KCNQ4: variants seen among roughly 807,000 people sequenced by gnomAD.
KCNQ4 encodes the protein potassium voltage-gated channel subfamily KQT member 4.
KCNQ4 carries 31 observed loss-of-function variants against 72.6 expected under a neutral mutation model. The observed-to-expected ratio is 0.43, with a 90% CI of 0.32 to 0.58. KCNQ4 has a LOEUF of 0.58. KCNQ4 is among the 20% of genes least tolerant of loss of function. KCNQ4 has a pLI of 0.08. For missense variants in KCNQ4, 869 were observed against 962.6 expected (o/e 0.90, Z 1.29); for synonymous variants, 405 against 403.7 (o/e 1.00, Z -0.04).
intron 1 of KCNQ4, among the ~76,000 whole-genome samples, chr1:40,798,827 G>A (rs959534140): frequency 6.6e-6 from 1 of 152,242 alleles, no homozygotes; most frequent in Non-Finnish European, 1.5e-5. Flanking sequence ...GCTGCTGCCC[G>A]TGGGGGAAGG....
intron 1 of KCNQ4, among the ~76,000 whole-genome samples, chr1:40,812,886 T>C (rs1321190970): frequency 2.0e-5 from 3 of 152,308 alleles, no homozygotes; most frequent in African/African-American, 7.2e-5. Context: ...TCAATAGTGC[T>C]GTGAAATCAA....
At chr1:40,820,968 C>T (rs757516471) in intron 7 of KCNQ4, among the ~76,000 whole-genome samples, 2 of 152,178 alleles carry the variant, frequency 1.3e-5, no homozygotes, top group Non-Finnish European at 2.9e-5. Flanking sequence ...TGGCCCAGTC[C>T]ACCTCTGCCT....
chr1:40,819,197 AG>A (rs1648201642), intron 4 of KCNQ4, 149 bp from the exon 5 acceptor site: 4 of 891,218 alleles, frequency 4.5e-6, no homozygotes, highest in Non-Finnish European at 7.0e-6. Flanking sequence ...AGGCCGGGGC[AG>A]GGTCGCCGTG....
rs4500305 is a variant in KCNQ4, at chr1:40,784,354, C to T, written c.261C>T (p.Val87=). 6.2e-7 allele frequency: 1 copy of T among 1,610,268 alleles called. No individual in the cohort carries two copies. Among genetic ancestry groups the T allele is most frequent in the South Asian group, 1.1e-5 (1 of 91,072 alleles). The change falls in exon 1 of 14, where the codon GTC becomes GTT. Residue 87 remains valine, a synonymous_variant. Transcript: ENST00000347132. The surrounding 1 kb of genome is among the most constrained non-coding windows in gnomAD (Gnocchi z 4.1). The part of the protein sequence containing the change: ...HKRYRRLQNW[V]YNVLERPRGW... ...GCTACCGCCGCCTGCAGAACTGGGT[C>T]TACAACGTGCTGGAGCGGCCCCGCG...
At chr1:40,833,172 A>G in intron 11 of KCNQ4, 59 bp downstream of exon 11, 2 of 1,286,346 alleles carry the variant, frequency 1.6e-6, no homozygotes. Flanking sequence ...GCTGCTCCCC[A>G]TCTGGGCGGG....
At chr1:40,827,829 C>A (rs1481936801) in intron 9 of KCNQ4, among the ~76,000 whole-genome samples, 2 of 152,190 alleles carry the variant, frequency 1.3e-5, no homozygotes, top group Non-Finnish European at 2.9e-5. Flanking sequence ...GGGTCTGCTT[C>A]CACTAAAACT....
chr1:40,818,375 G>A (rs1393016621), intron 3 of KCNQ4, 85 bp downstream of exon 3: 1 of 1,595,284 alleles, frequency 6.3e-7, no homozygotes, highest in Non-Finnish European at 8.5e-7. Context: ...CTCTGACCCT[G>A]GAGACCCGCA....
intron 1 of KCNQ4, among the ~76,000 whole-genome samples, chr1:40,808,257 C>T (rs898140956): frequency 5.3e-5 from 8 of 152,098 alleles, no homozygotes; most frequent in African/African-American, 1.9e-4. Flanking sequence ...TTACCTTGGC[C>T]TTGGTGGATA....
At chr1:40,815,008 G>A (rs931611715) in intron 1 of KCNQ4, among the ~76,000 whole-genome samples, 17 of 152,064 alleles carry the variant, frequency 1.1e-4, no homozygotes, top group African/African-American at 1.7e-4. Context: ...TTGGGAGGCC[G>A]AGGCAGGTGG....
Position 40,784,433 on chromosome 1 carries a change from C to T in KCNQ4, c.314+26C>T, listed in dbSNP as rs747624059. 3.1e-6 allele frequency: 5 copies of T among 1,600,072 alleles called. No homozygotes were observed. The highest frequency in any genetic ancestry group is 4.3e-6 in the Non-Finnish European group (5 of 1,175,662). On this transcript the variant is annotated intron_variant, in intron 1 of 13. Transcript: ENST00000347132. This position sits in a 1 kb window ranked among gnomAD's most constrained non-coding sequence, Gnocchi z 4.1. ...GTGAGTTTGCGACCCCGCGCCCTTC[C>T]GCGTTTCCCCGCGCAAGCCTGGCCT...
chr1:40,809,457 G>A (rs890534158), intron 1 of KCNQ4, among the ~76,000 whole-genome samples: 1 of 152,102 alleles, frequency 6.6e-6, no homozygotes, highest in South Asian at 2.1e-4. Context: ...CTCCAGTGGG[G>A]TCTCCCCCGT....
At chr1:40,819,302 G>A (rs773120597) in intron 4 of KCNQ4, 45 bp from the exon 5 acceptor site, 1 of 1,612,352 alleles carries the variant, frequency 6.2e-7, no homozygotes. Flanking sequence ...ACATCTCCCA[G>A]GCAGGCACAG....
Position 40,831,234 on chromosome 1 carries a change from G to A in KCNQ4, c.1443G>A (p.Lys481=). ...CCACCAGCCCCACCAAGGTGCAAAA[G>A]AGCTGGAGCTTCAATGACCGCACCC... The part of the protein sequence containing the change: ...GEATSPTKVQ[K]SWSFNDRTRF... The change falls in exon 10 of 14, where the codon AAG becomes AAA. Residue 481 remains lysine (K), a synonymous_variant. Transcript: ENST00000347132. 6.2e-7 allele frequency: 1 copy of A among 1,609,832 alleles called. No homozygotes were observed. Among genetic ancestry groups the A allele is most frequent in the East Asian group, 2.2e-5 (1 of 44,754 alleles).
chr1:40,815,614 G>T (rs914366781), intron 1 of KCNQ4, among the ~76,000 whole-genome samples: 1 of 152,164 alleles, frequency 6.6e-6, no homozygotes, highest in African/African-American at 2.4e-5. Flanking sequence ...ACTGGCCGAG[G>T]AATAAGCTCT....
In KCNQ4 at chr1:40,784,163, G is replaced by C. The variant is rs770609353; in HGVS notation, c.70G>C (p.Val24Leu). ...PPGDAPRAEL[V>L]ALTAVQSEQG... is the part of the protein sequence containing the mutation. ...CGGGGACGCCCCCCGCGCGGAGCTA[G>C]TGGCGCTCACGGCCGTGCAGAGCGA... The change falls in exon 1 of 14, where the codon GTG becomes CTG. Residue 24 changes from valine to leucine, a missense_variant. Val to Leu is a conservative substitution (Grantham distance 32). Transcript: ENST00000347132. This position sits in a 1 kb window ranked among gnomAD's most constrained non-coding sequence, Gnocchi z 4.1. 9.7e-5 allele frequency: 107 copies of C among 1,099,588 alleles called. 2 individuals carry two copies. The South Asian group carries it at 2.7e-3, about 28-fold the overall frequency. 68.1% of individuals were successfully genotyped at this position (1,099,588 alleles called of 1,614,324 possible).
Position 40,838,362 on chromosome 1 carries a change from T to C in KCNQ4, c.1927T>C (p.Cys643Arg). Reference sequence around the variant, plus strand: ...CCTGCTGTTGGGCTTCTATTCGCGCTGCCTGCGCTCTGGCACCTCGGCCAG... The same window carrying C: ...CCTGCTGTTGGGCTTCTATTCGCGCCGCCTGCGCTCTGGCACCTCGGCCAG... The part of the protein sequence containing the change: ...LDLLLGFYSR[C>R]LRSGTSASLG... Residue 643 changes from cysteine to arginine, a missense_variant, in exon 14 of 14, where the codon TGC (cysteine) becomes CGC (arginine). Transcript: ENST00000347132. 1 of 1,613,982 alleles carries C rather than the reference T, an allele frequency of 6.2e-7. No homozygotes were observed. Among genetic ancestry groups the C allele is most frequent in the South Asian group, 1.1e-5 (1 of 91,084 alleles).
rs533941740 is a variant in KCNQ4, at chr1:40,788,326, G to C, written c.314+3919G>C. ...GACTCTGTGCAGAGACCTCAGCTGGGCTAGGCCAGGGCAGAGAGTTGAAAT... is the reference window on the plus strand; with the variant it reads ...GACTCTGTGCAGAGACCTCAGCTGGCCTAGGCCAGGGCAGAGAGTTGAAAT... On this transcript the variant is annotated intron_variant, in intron 1 of 13. Transcript: ENST00000347132. This position sits in a 1 kb window ranked among gnomAD's most constrained non-coding sequence, Gnocchi z 4.5. 1.6e-4 allele frequency among the ~76,000 whole-genome samples: 25 copies of C among 152,220 alleles called. No individual in the cohort carries two copies. Among genetic ancestry groups the C allele is most frequent in the Non-Finnish European group, 2.9e-4 (20 of 68,044 alleles).
rs1280638505 is a variant in KCNQ4, at chr1:40,839,037, G to A, written c.*514G>A. 2.7e-5 allele frequency: 5 copies of A among 183,126 alleles called. No homozygotes were observed. The highest frequency in any genetic ancestry group is 5.8e-5 in the Non-Finnish European group (5 of 85,642). 11.3% of individuals were successfully genotyped at this position (183,126 alleles called of 1,614,324 possible). On this transcript the variant is annotated 3_prime_UTR_variant, in exon 14 of 14. Coordinates refer to ENST00000347132, the MANE Select transcript of KCNQ4 (RefSeq NM_004700.4). ...CACAAGGCAGGTGGACACCATATAT[G>A]CAAACCATGTTAAATATGCAACTTT...
In KCNQ4 at chr1:40,838,620, A is replaced by C; in HGVS notation, c.*97A>C. 9.7e-6 allele frequency: 11 copies of C among 1,136,520 alleles called. No homozygotes were observed. The highest frequency in any genetic ancestry group is 1.3e-5 in the South Asian group (1 of 79,744). The allele number at this position is 1,136,520 out of a possible 1,614,324, so 70.4% of individuals were successfully genotyped here. On this transcript the variant is annotated 3_prime_UTR_variant, in exon 14 of 14. Transcript: ENST00000347132. Reference sequence around the variant, plus strand: ...CCGGACTCCTCTCGTACTTGAACTCACTCCCTCACGGGGAGAGAGACCACA... The same window carrying C: ...CCGGACTCCTCTCGTACTTGAACTCCCTCCCTCACGGGGAGAGAGACCACA...
Sources: allele counts gnomAD v4.1 joint callset (sites outside exome capture counted in the v4.1 genomes callset), GRCh38; gene constraint gnomAD v4.1.1; non-coding constraint Gnocchi (gnomAD v3.1); transcripts MANE v1.5; gene names NCBI Gene and HGNC (gene_info 2026-07-23, HGNC 2026-07-21).